Variants in RBPJ observed in about 807,000 individuals in gnomAD.
RBPJ encodes the protein recombining binding protein suppressor of hairless.
A neutral mutation model predicts 67.8 loss-of-function variants in RBPJ; 9 were observed. The observed-to-expected ratio is 0.13, with a 90% CI of 0.08 to 0.23. RBPJ has a LOEUF of 0.23. Ranked by LOEUF, RBPJ falls within the 10% of genes least tolerant of loss-of-function variation. RBPJ has a pLI of 1.00. For synonymous variants in RBPJ, 198 were observed against 203.3 expected (o/e 0.97, Z 0.22); for missense variants, 305 against 595.6 (o/e 0.51, Z 5.08).
the RBPJ span, among the ~76,000 whole-genome samples, chr4:26,144,029 T>C: frequency 2.0e-5 from 3 of 152,226 alleles, no homozygotes; most frequent in Non-Finnish European, 4.4e-5. Flanking sequence ...AGATAAACTT[T>C]ATATTATGTG....
At chr4:26,237,734 T>C (rs542929988) in intron 1 of RBPJ, among the ~76,000 whole-genome samples, 1 of 152,160 alleles carries the variant, frequency 6.6e-6, no homozygotes, top group Non-Finnish European at 1.5e-5. Context: ...ATTTGGACAA[T>C]ACACACTTAA....
intron 1 of RBPJ, among the ~76,000 whole-genome samples, chr4:26,195,685 C>T (rs1165882629): frequency 1.3e-5 from 2 of 152,092 alleles, no homozygotes; most frequent in African/African-American, 2.4e-5. Context: ...ACCTCCGCCT[C>T]CCAGGTTCAA....
At chr4:26,242,622 G>T (rs1312687349) in intron 1 of RBPJ, among the ~76,000 whole-genome samples, 3 of 147,398 alleles carry the variant, frequency 2.0e-5, no homozygotes. Flanking sequence ...AGTAATGGTG[G>T]ATAAAGTTGC....
intron 1 of RBPJ, among the ~76,000 whole-genome samples, chr4:26,191,242 T>TAG (rs1225496849): frequency 1.2e-4 from 7 of 59,070 alleles, no homozygotes; most frequent in African/African-American, 4.6e-4. Flanking sequence ...GAGAGAGAGA[T>TAG]AGAGAGAGAG....
At chr4:26,294,127 T>A (rs1301814980) in intron 1 of RBPJ, among the ~76,000 whole-genome samples, 3 of 151,670 alleles carry the variant, frequency 2.0e-5, no homozygotes, top group Admixed American at 6.6e-5. Flanking sequence ...AGATGGAGTC[T>A]CACTCTGTCG....
intron 1 of RBPJ, among the ~76,000 whole-genome samples, chr4:26,244,180 T>C (rs1719756701): frequency 6.7e-6 from 1 of 149,330 alleles, no homozygotes; most frequent in Non-Finnish European, 1.5e-5. Context: ...TATACACATA[T>C]ATGTATACAT....
chr4:26,108,589 G>A, the RBPJ span, among the ~76,000 whole-genome samples: 1 of 152,250 alleles, frequency 6.6e-6, no homozygotes, highest in Non-Finnish European at 1.5e-5. Flanking sequence ...TTTGTAAAAT[G>A]AGGAGAGGAA....
At chr4:26,349,760 G>A (rs1195117756) in intron 1 of RBPJ, among the ~76,000 whole-genome samples, 1 of 152,134 alleles carries the variant, frequency 6.6e-6, no homozygotes, top group Non-Finnish European at 1.5e-5. Context: ...AGATTTTCAT[G>A]GTTACTCTCT....
At chr4:26,429,495 A>G (rs1736003921) in intron 8 of RBPJ, among the ~76,000 whole-genome samples, 1 of 152,202 alleles carries the variant, frequency 6.6e-6, no homozygotes, top group African/African-American at 2.4e-5. Context: ...TGGAACATGC[A>G]TAAGCTTCTA....
At chr4:26,126,283 A>G in the RBPJ span, among the ~76,000 whole-genome samples, 2 of 152,220 alleles carry the variant, frequency 1.3e-5, no homozygotes, top group African/African-American at 4.8e-5. Context: ...GGAGACAGAC[A>G]CTGCTGAAGA....
At chr4:26,363,164 G>A (rs1158621363) in intron 1 of RBPJ, among the ~76,000 whole-genome samples, 2 of 152,106 alleles carry the variant, frequency 1.3e-5, no homozygotes, top group Admixed American at 6.6e-5. Context: ...TTTTGAGATG[G>A]AGTCTTGCTC....
chr4:26,347,155 G>A (rs1009316283), intron 1 of RBPJ, among the ~76,000 whole-genome samples: 1 of 152,128 alleles, frequency 6.6e-6, no homozygotes, highest in Non-Finnish European at 1.5e-5. Flanking sequence ...AGAAGATTTC[G>A]CTTCTGAACA....
At chr4:26,248,917 G>A (rs904820316) in intron 1 of RBPJ, among the ~76,000 whole-genome samples, 2 of 152,186 alleles carry the variant, frequency 1.3e-5, no homozygotes, top group South Asian at 4.1e-4. Flanking sequence ...TTATGCAGAA[G>A]CCAAAGAGGG....
At chr4:26,189,133 CAT>C (rs1030384590) in intron 1 of RBPJ, among the ~76,000 whole-genome samples, 39 of 152,304 alleles carry the variant, frequency 2.6e-4, no homozygotes, top group African/African-American at 9.1e-4. Flanking sequence ...GGAAGGATCA[CAT>C]GAGGCCAGGA....
rs746278854 is a variant in RBPJ, at chr4:26,420,740, C to T, written c.496+15C>T. 2.6e-5 allele frequency: 40 copies of T among 1,565,624 alleles called. No homozygotes were observed. Among genetic ancestry groups the T allele is most frequent in the Non-Finnish European group, 3.3e-5 (38 of 1,155,998 alleles). ...AAATGCTGACTGTATGTATGCTTTT[C>T]TTATTTATCCCCAACTGCCACCATG... On this transcript the variant is annotated intron_variant, in intron 5 of 10. Transcript: ENST00000355476.
At chr4:26,287,576 A>AGGAG (rs1560245309) in intron 1 of RBPJ, among the ~76,000 whole-genome samples, 1 of 43,070 alleles carries the variant, frequency 2.3e-5, no homozygotes, top group African/African-American at 1.3e-4. Flanking sequence ...AAGGAAAGGA[A>AGGAG]AGGACAGGAG....
upstream of RBPJ, among the ~76,000 whole-genome samples, chr4:26,160,170 G>A (rs927709366): frequency 6.6e-6 from 1 of 151,812 alleles, no homozygotes; most frequent in Non-Finnish European, 1.5e-5. Context: ...TGCCCGCCTC[G>A]GCCTCCCAAA....
chr4:26,237,194 A>G (rs914503980), intron 1 of RBPJ, among the ~76,000 whole-genome samples: 1 of 152,182 alleles, frequency 6.6e-6, no homozygotes, highest in African/African-American at 2.4e-5. Flanking sequence ...TCAGGAGATC[A>G]AGACCATCCT....
At chr4:26,210,953 C>T (rs946305599) in intron 1 of RBPJ, among the ~76,000 whole-genome samples, 9 of 151,740 alleles carry the variant, frequency 5.9e-5, no homozygotes, top group African/African-American at 1.2e-4. Context: ...TATTTTTCTC[C>T]TTAAGTAGTC....
Sources: gnomAD v4.1 joint callset for allele counts (sites outside exome capture counted in the v4.1 genomes callset) on GRCh38, gnomAD v4.1.1 for gene constraint, MANE v1.5 for transcripts, NCBI Gene and HGNC (gene_info 2026-07-23, HGNC 2026-07-21) for gene names.